RAD51B: variants seen among roughly 807,000 people sequenced by gnomAD.
RAD51B encodes DNA repair protein RAD51 homolog 2.
A neutral mutation model predicts 42.2 loss-of-function variants in RAD51B; 38 were observed. The ratio of observed to expected loss-of-function variants is 0.90; its 90% CI spans 0.70 to 1.18. The LOEUF is 1.18. RAD51B is among the 50% of genes most tolerant of loss of function. The probability of loss-of-function intolerance (pLI) is 0.00; values close to 1 mark genes in which losing one functional copy is unlikely to be tolerated. For synonymous variants in RAD51B, 154 were observed against 145.2 expected (o/e 1.06, Z -0.43); for missense variants, 373 against 400.7 (o/e 0.93, Z 0.59).
intron 7 of RAD51B, among the ~76,000 whole-genome samples, chr14:68,290,994 G>C (rs960946505): frequency 2.6e-5 from 4 of 151,810 alleles, no homozygotes; most frequent in Non-Finnish European, 5.9e-5. Flanking sequence ...TTTTAGTAGA[G>C]ACAGGGTTTC....
intron 7 of RAD51B, among the ~76,000 whole-genome samples, chr14:68,206,698 C>T (rs1332876738): frequency 6.6e-6 from 1 of 150,868 alleles, no homozygotes; most frequent in Non-Finnish European, 1.5e-5. Flanking sequence ...TTAACACTTC[C>T]TTGATTTTTG....
At chr14:67,886,294 C>T (rs1418524671) in intron 6 of RAD51B, among the ~76,000 whole-genome samples, 1 of 152,092 alleles carries the variant, frequency 6.6e-6, no homozygotes, top group Non-Finnish European at 1.5e-5. Flanking sequence ...CACATAGTTT[C>T]TGAGGGTTAA....
At chr14:68,371,653 G>A (rs1226767555) in intron 8 of RAD51B, among the ~76,000 whole-genome samples, 1 of 152,160 alleles carries the variant, frequency 6.6e-6, no homozygotes, top group Non-Finnish European at 1.5e-5. Flanking sequence ...CCAGTTACCT[G>A]GGCAACAAAC....
chr14:67,950,583 T>C (rs1025463100), intron 7 of RAD51B, among the ~76,000 whole-genome samples: 1 of 152,238 alleles, frequency 6.6e-6, no homozygotes, highest in Admixed American at 6.5e-5. Context: ...AGCATTTGTG[T>C]GTTCACTGGG....
At chr14:68,266,807 A>G (rs1332993111) in intron 7 of RAD51B, among the ~76,000 whole-genome samples, 1 of 152,236 alleles carries the variant, frequency 6.6e-6, no homozygotes. Flanking sequence ...TAGGGATGAT[A>G]GTAGTACCAA....
At chr14:68,033,934 T>G (rs2076083908) in intron 7 of RAD51B, among the ~76,000 whole-genome samples, 1 of 152,168 alleles carries the variant, frequency 6.6e-6, no homozygotes, top group Non-Finnish European at 1.5e-5. Context: ...TGAGTTTGAT[T>G]GTTTCTTAGG....
chr14:67,929,475 A>C (rs2044647524), intron 7 of RAD51B, among the ~76,000 whole-genome samples: 1 of 152,118 alleles, frequency 6.6e-6, no homozygotes, highest in African/African-American at 2.4e-5. Context: ...TTAGCTTTGG[A>C]AAGATTAGTT....
chr14:68,151,746 G>T (rs78457654), intron 7 of RAD51B, among the ~76,000 whole-genome samples: 2,314 of 144,190 alleles, frequency 0.016, 63 homozygotes, highest in African/African-American at 0.054. Context: ...ACATTGTAGT[G>T]TTTACCACTA....
chr14:68,349,667 C>A (rs1372699590), intron 8 of RAD51B, among the ~76,000 whole-genome samples: 1 of 152,116 alleles, frequency 6.6e-6, no homozygotes, highest in Non-Finnish European at 1.5e-5. Context: ...TGCCTGGCTT[C>A]CCTACTTTTT....
chr14:68,132,070 G>C (rs1301102445), intron 7 of RAD51B, among the ~76,000 whole-genome samples: 1 of 152,174 alleles, frequency 6.6e-6, no homozygotes, highest in Non-Finnish European at 1.5e-5. Context: ...AGTAAACCTG[G>C]CAGTCACATT....
Position 67,910,688 on chromosome 14 carries a change from C to T in RAD51B, c.756+23484C>T, listed in dbSNP as rs138467661. On this transcript the variant is annotated intron_variant, in intron 7 of 10. Transcript: ENST00000471583. Reference sequence around the variant, plus strand: ...TGAATTCAGATTAAAAAGCATAAACCTACATCTGAAGATAGCCTAGTATAA... The same window carrying T: ...TGAATTCAGATTAAAAAGCATAAACTTACATCTGAAGATAGCCTAGTATAA... Among the ~76,000 whole-genome samples the T allele has an allele frequency of 1.1e-4, 16 of 152,012 alleles. No homozygotes were observed. In the East Asian group the frequency reaches 2.9e-3, roughly 28 times the overall value.
chr14:68,638,387 C>G (rs1365751047), intron 10 of RAD51B, among the ~76,000 whole-genome samples: 1 of 152,082 alleles, frequency 6.6e-6, no homozygotes, highest in African/African-American at 2.4e-5. Context: ...GCGAGCCAGG[C>G]CAGGCTTCCA....
intron 4 of RAD51B, among the ~76,000 whole-genome samples, chr14:67,858,985 G>A (rs2042081488): frequency 6.6e-6 from 1 of 152,182 alleles, no homozygotes; most frequent in Admixed American, 6.5e-5. Context: ...CTCCAAAGCA[G>A]GGTATGTAAA....
chr14:68,655,690 C>T lies in RAD51B; in HGVS notation c.*11+4834C>T, dbSNP rs966164092. The stretch of plus-strand genomic sequence containing the variant: ...CCCACCCGCGGGGCACTCTGGCATA[C>T]ATCTCGGAAGTCAGCCCCCAGAGTG... On this transcript the variant is annotated intron_variant, in intron 11 of 11. Transcript: ENST00000488612. Among the ~76,000 whole-genome samples, 4 of 152,364 alleles carry T rather than the reference C, an allele frequency of 2.6e-5. No homozygotes were observed. In the East Asian group the frequency reaches 7.7e-4, roughly 29 times the overall value.
chr14:68,196,729 G>A (rs547423444), intron 7 of RAD51B, among the ~76,000 whole-genome samples: 1 of 151,880 alleles, frequency 6.6e-6, no homozygotes, highest in East Asian at 1.9e-4. Flanking sequence ...CAATATCTAA[G>A]ACCAGATCTG....
chr14:68,570,614 C>A (rs542983323), intron 10 of RAD51B, among the ~76,000 whole-genome samples: 1 of 152,300 alleles, frequency 6.6e-6, no homozygotes, highest in East Asian at 1.9e-4. Context: ...GGAGGGGGGT[C>A]CAGTGCCCTT....
chr14:68,058,795 A>G (rs557281867), intron 7 of RAD51B, among the ~76,000 whole-genome samples: 78 of 152,324 alleles, frequency 5.1e-4, no homozygotes, highest in African/African-American at 1.7e-3. Flanking sequence ...TAGTCAAAGA[A>G]CAGTGCACAT....
intron 7 of RAD51B, among the ~76,000 whole-genome samples, chr14:68,257,710 G>GTATTATAAAACTCCAAAGTT (rs2080782961): frequency 6.6e-6 from 1 of 152,104 alleles, no homozygotes; most frequent in Admixed American, 6.6e-5. Context: ...TCTCTTAACA[G>GTATTATAAAACTCCAAAGTT]TATTATAAAA....
intron 10 of RAD51B, among the ~76,000 whole-genome samples, chr14:68,539,486 C>A (rs968743675): frequency 2.0e-5 from 3 of 152,194 alleles, no homozygotes; most frequent in African/African-American, 7.2e-5. Flanking sequence ...CACTGGGTTT[C>A]CAGAGGGGTC....
Sources: gnomAD v4.1 joint callset for allele counts (sites outside exome capture counted in the v4.1 genomes callset) on GRCh38, gnomAD v4.1.1 for gene constraint, MANE v1.5 for transcripts, NCBI Gene and HGNC (gene_info 2026-07-23, HGNC 2026-07-21) for gene names.